ZNF695: variants seen among roughly 807,000 people sequenced by gnomAD.
ZNF695 encodes zinc finger protein SBZF3.
ZNF695 carries 11 observed loss-of-function variants against 11.2 expected under a neutral mutation model. The observed-to-expected ratio is 0.98, with a 90% CI of 0.62 to 1.62. The LOEUF is 1.62. Ranked by LOEUF, ZNF695 falls within the 40% of genes most tolerant of loss-of-function variation. The pLI, the probability that ZNF695 is intolerant of heterozygous loss-of-function variation, is 0.00. For synonymous variants in ZNF695, 190 were observed against 201.4 expected (o/e 0.94, Z 0.48); for missense variants, 559 against 590.5 (o/e 0.95, Z 0.55).
intron 5 of ZNF695, chr1:246,945,959 A>G (rs1218338607): frequency 8.3e-7 from 1 of 1,207,900 alleles, no homozygotes; most frequent in Non-Finnish European, 1.2e-6. Context: ...GTCCCTTGCC[A>G]TTTCAAATTC....
At chr1:247,004,379 T>C (rs1669477980) in intron 1 of ZNF695, among the ~76,000 whole-genome samples, 1 of 151,862 alleles carries the variant, frequency 6.6e-6, no homozygotes, top group Non-Finnish European at 1.5e-5. Context: ...AAGAATTTCA[T>C]AAAATTCAAC....
intron 4 of ZNF695, chr1:246,968,823 C>G (rs765586938): frequency 6.6e-6 from 1 of 152,610 alleles, no homozygotes; most frequent in South Asian, 2.1e-4. Context: ...TGAAACATAT[C>G]TGGAGTCCTT....
downstream of ZNF695, among the ~76,000 whole-genome samples, chr1:246,983,921 C>T (rs1341181662): frequency 6.6e-6 from 1 of 151,814 alleles, no homozygotes; most frequent in Non-Finnish European, 1.5e-5. Context: ...TTTAGGAGGC[C>T]AAGGCAGGTC....
intron 3 of ZNF695, among the ~76,000 whole-genome samples, chr1:246,992,440 T>C (rs578180289): frequency 8.2e-4 from 125 of 152,186 alleles, no homozygotes; most frequent in African/African-American, 2.8e-3. Context: ...GGATGGTTAA[T>C]GGGTGCAAGA....
At chr1:246,946,273 A>G (rs1667732664) in intron 5 of ZNF695, among the ~76,000 whole-genome samples, 1 of 152,088 alleles carries the variant, frequency 6.6e-6, no homozygotes. Flanking sequence ...AGCGTCTTCT[A>G]TCTACACCAT....
At chr1:246,963,378 G>C (rs964387876) in intron 5 of ZNF695, among the ~76,000 whole-genome samples, 13 of 152,272 alleles carry the variant, frequency 8.5e-5, no homozygotes, top group East Asian at 7.7e-4. Flanking sequence ...TTGAGGCTAG[G>C]AACTGGAGAC....
At chr1:246,963,020 C>T (rs944685763) in intron 5 of ZNF695, among the ~76,000 whole-genome samples, 2 of 152,172 alleles carry the variant, frequency 1.3e-5, no homozygotes, top group Non-Finnish European at 2.9e-5. Flanking sequence ...GGCTGAAGTC[C>T]AAACACCTTA....
intron 5 of ZNF695, chr1:246,945,944 T>C: frequency 7.6e-7 from 1 of 1,313,868 alleles, no homozygotes; most frequent in Non-Finnish European, 1.1e-6. Flanking sequence ...TGGAGAAGTC[T>C]GTCTGTCCCT....
chr1:246,991,079 T>C (rs557979836), intron 3 of ZNF695, among the ~76,000 whole-genome samples: 63 of 151,650 alleles, frequency 4.2e-4, no homozygotes, highest in African/African-American at 1.4e-3. Flanking sequence ...AAACCCAAAA[T>C]TAGTAGAAGA....
intron 5 of ZNF695, chr1:246,967,470 T>C (rs1034288508): frequency 2.2e-6 from 1 of 454,308 alleles, no homozygotes; most frequent in African/African-American, 2.0e-5. Flanking sequence ...GAATGGGGGA[T>C]AAAAGAGAAA....
intron 1 of ZNF695, among the ~76,000 whole-genome samples, chr1:247,000,795 G>A (rs1669356724): frequency 6.6e-6 from 1 of 152,142 alleles, no homozygotes; most frequent in Non-Finnish European, 1.5e-5. Flanking sequence ...TGCAGGCACG[G>A]GCCGGGTGCA....
At chr1:246,989,992 C>A (rs890925941) in intron 3 of ZNF695, among the ~76,000 whole-genome samples, 1 of 138,650 alleles carries the variant, frequency 7.2e-6, no homozygotes, top group African/African-American at 2.7e-5. Context: ...CACAGTGAGA[C>A]CCCATCTTGA....
chr1:246,976,745 G>C (rs1203104836), intron 4 of ZNF695, among the ~76,000 whole-genome samples: 1 of 152,144 alleles, frequency 6.6e-6, no homozygotes, highest in East Asian at 1.9e-4. Context: ...AGTGTGCTGA[G>C]ATCGCGCCAC....
At chr1:246,963,253 GC>G (rs1413433583) in intron 5 of ZNF695, among the ~76,000 whole-genome samples, 1 of 152,110 alleles carries the variant, frequency 6.6e-6, no homozygotes, top group African/African-American at 2.4e-5. Flanking sequence ...GTGACTGTGT[GC>G]CAGCCACTAA....
At chr1:246,990,236 C>T (rs571514405) in intron 3 of ZNF695, among the ~76,000 whole-genome samples, 20 of 151,954 alleles carry the variant, frequency 1.3e-4, no homozygotes, top group African/African-American at 4.1e-4. Flanking sequence ...CCTATAAAAA[C>T]GCACATAGTC....
intron 5 of ZNF695, among the ~76,000 whole-genome samples, chr1:246,958,468 C>T (rs1668065319): frequency 6.6e-6 from 1 of 152,138 alleles, no homozygotes; most frequent in Admixed American, 6.5e-5. Context: ...ATTTTTCCTT[C>T]TCTCTTGGGA....
intron 4 of ZNF695, among the ~76,000 whole-genome samples, chr1:246,970,751 A>G (rs928384441): frequency 6.6e-6 from 1 of 152,174 alleles, no homozygotes; most frequent in Non-Finnish European, 1.5e-5. Flanking sequence ...GCTAAAAACA[A>G]AGTGTTTTGT....
chr1:246,994,681 C>CA (rs1669142085), intron 3 of ZNF695, among the ~76,000 whole-genome samples: 1 of 149,808 alleles, frequency 6.7e-6, no homozygotes, highest in African/African-American at 2.5e-5. Flanking sequence ...ACTAAAATTA[C>CA]AAAAAATTAG....
chr1:247,007,950 C>T lies in ZNF695; in HGVS notation c.-42G>A. The T allele has an allele frequency of 6.7e-7, 1 of 1,488,002 alleles. No individual in the cohort carries two copies. Among genetic ancestry groups the T allele is most frequent in the East Asian group, 2.7e-5 (1 of 37,732 alleles). The allele number at this position is 1,488,002 out of a possible 1,614,324, so 92.2% of individuals were successfully genotyped here. On this transcript the variant is annotated 5_prime_UTR_variant, in exon 1 of 4. Transcript: ENST00000339986. ...GTCCCAGCGTCCTCCCTATAAATCT[C>T]GCAATACCTGCAGGCCACAGGGCGA...
Sources: allele counts gnomAD v4.1 joint callset (sites outside exome capture counted in the v4.1 genomes callset), GRCh38; gene constraint gnomAD v4.1.1; transcripts MANE v1.5; gene names NCBI Gene and HGNC (gene_info 2026-07-23, HGNC 2026-07-21).